COL6A3: variants seen among roughly 807,000 people sequenced by gnomAD.
COL6A3 encodes collagen alpha-3(VI) chain.
In COL6A3, 137 loss-of-function variants were observed where a neutral mutation model predicts 274.1. The ratio of observed to expected loss-of-function variants is 0.50; its 90% CI spans 0.44 to 0.58. The LOEUF is 0.58. COL6A3 is among the 20% of genes least tolerant of loss of function. The pLI, the probability that COL6A3 is intolerant of heterozygous loss-of-function variation, is 0.00. For synonymous variants in COL6A3, 1,650 were observed against 1,650.6 expected (o/e 1.00, Z 0.01); for missense variants, 3,950 against 4,124.9 (o/e 0.96, Z 1.16).
chr2:237,364,323 T>C lies in COL6A3; in HGVS notation c.5917+27A>G, dbSNP rs78387780. ...ACCCCGCCTCACCAGGGTTTACTTC[T>C]CATATTTAGAAAGCCTTGGCACCTA... On this transcript the variant is annotated intron_variant, in intron 13 of 43. Coordinates refer to ENST00000295550, the MANE Select transcript of COL6A3 (RefSeq NM_004369.4). This position sits in a 1 kb window ranked among gnomAD's most constrained non-coding sequence, Gnocchi z 4.6. The C allele has an allele frequency of 8.4e-4, 1,331 of 1,588,474 alleles. 10 individuals carry two copies. The African/African-American group carries it at 0.016, about 19-fold the overall frequency.
chr2:237,341,214 A>G, intron 37 of COL6A3, 64 bp from the exon 38 acceptor site: 6 of 1,453,940 alleles, frequency 4.1e-6, no homozygotes, highest in Non-Finnish European at 5.8e-6. Context: ...CAGCTCATCA[A>G]TCTGCTGGGA....
At chr2:237,398,350 CA>C (rs1433397870) in intron 1 of COL6A3, among the ~76,000 whole-genome samples, 1 of 152,230 alleles carries the variant, frequency 6.6e-6, no homozygotes, top group Non-Finnish European at 1.5e-5. Context: ...ACATTCACTT[CA>C]GCTCAGTAGC....
chr2:237,379,285 T>G, intron 5 of COL6A3, 50 bp from the exon 6 acceptor site: 1 of 1,611,824 alleles, frequency 6.2e-7, no homozygotes, highest in Non-Finnish European at 8.5e-7. Context: ...CCACGGAGAG[T>G]TTTATCATGT....
intron 13 of COL6A3, among the ~76,000 whole-genome samples, chr2:237,363,955 G>C (rs1172688768): frequency 1.3e-5 from 2 of 152,126 alleles, no homozygotes; most frequent in Non-Finnish European, 2.9e-5. Flanking sequence ...TGTATTATTT[G>C]GGTGTAGTGT....
At position 237,364,850 on chromosome 2, in the gene COL6A3, T is replaced by A. The variant is rs1056485922; in HGVS notation, c.5839-422A>T. On this transcript the variant is annotated intron_variant, in intron 12 of 43. Transcript: ENST00000295550. The surrounding 1 kb of genome is among the most constrained non-coding windows in gnomAD (Gnocchi z 4.6). Reference sequence around the variant, plus strand: ...ATGTGTGGGTGTGTGGGTGTACATGTGTGTGGGTGCGTATGTGTGTGCATG... The same window carrying A: ...ATGTGTGGGTGTGTGGGTGTACATGAGTGTGGGTGCGTATGTGTGTGCATG... Among the ~76,000 whole-genome samples the A allele has an allele frequency of 8.0e-5, 12 of 149,530 alleles. No individual in the cohort carries two copies. The highest frequency in any genetic ancestry group is 4.0e-4 in the Admixed American group (6 of 14,954).
chr2:237,368,897 A>T lies in COL6A3; in HGVS notation c.4566T>A (p.Phe1522Leu). 3 of 1,614,190 alleles carry T rather than the reference A, an allele frequency of 1.9e-6. No individual in the cohort carries two copies. The highest frequency in any genetic ancestry group is 2.2e-5 in the South Asian group (2 of 91,076). Residue 1522 changes from phenylalanine (F) to leucine (L), a missense_variant, in exon 10 of 44, where the codon TTT becomes TTA. Transcript: ENST00000295550. The surrounding 1 kb of genome is among the most constrained non-coding windows in gnomAD (Gnocchi z 4.4). Reference sequence around the variant, plus strand: ...ACTTAACAAAGAGGTTTCTTGCCACAAATTCGAGAGCCTTGCCAGTGTTCA... The same window carrying T: ...ACTTAACAAAGAGGTTTCTTGCCACTAATTCGAGAGCCTTGCCAGTGTTCA... ...SPLNTGKALE[F>L]VARNLFVKSA...
chr2:237,343,061 C>G (rs2077022277), intron 36 of COL6A3: 1 of 152,276 alleles, frequency 6.6e-6, no homozygotes. Context: ...AAGTGGCGTG[C>G]ACATTACTTT....
chr2:237,365,688 C>T lies in COL6A3; in HGVS notation c.5838+10G>A. 1.2e-6 allele frequency: 2 copies of T among 1,613,770 alleles called. No homozygotes were observed. Among genetic ancestry groups the T allele is most frequent in the South Asian group, 2.2e-5 (2 of 91,054 alleles). On this transcript the variant is annotated intron_variant, in intron 12 of 43. Transcript: ENST00000295550. ...CCCAGGGAGCACCTGAACCAACTGG[C>T]CCCACAGACCTTCACGCTGTCCGGC...
chr2:237,332,086 TA>T (rs1489544989), intron 42 of COL6A3, among the ~76,000 whole-genome samples: 1 of 27,328 alleles, frequency 3.7e-5, no homozygotes, highest in Non-Finnish European at 6.1e-5. Flanking sequence ...TATATATATA[TA>T]TATATATATA....
In COL6A3 at chr2:237,364,251, T is replaced by C. The variant is rs1041225757; in HGVS notation, c.5917+99A>G. On this transcript the variant is annotated intron_variant, in intron 13 of 43. Coordinates refer to ENST00000295550, the MANE Select transcript of COL6A3 (RefSeq NM_004369.4). The surrounding 1 kb of genome is among the most constrained non-coding windows in gnomAD (Gnocchi z 4.6). ...AGTCTCCCAAGACAACGCTGCTCCC[T>C]TGGGGCGCTGCATTAGCAGAGAGGT... is the stretch of plus-strand genomic sequence containing the variant. The C allele has an allele frequency of 2.1e-6, 2 of 945,590 alleles. No homozygotes were observed. Among genetic ancestry groups the C allele is most frequent in the Non-Finnish European group, 3.4e-6 (2 of 583,858 alleles). 58.6% of individuals were successfully genotyped at this position (945,590 alleles called of 1,614,324 possible).
At chr2:237,410,387 C>G (rs2078828202) in intron 1 of COL6A3, among the ~76,000 whole-genome samples, 1 of 151,332 alleles carries the variant, frequency 6.6e-6, no homozygotes, top group African/African-American at 2.4e-5. Context: ...CTCACTGCAG[C>G]CTCAACCTCC....
chr2:237,359,068 A>T lies in COL6A3; in HGVS notation c.6375T>A (p.Gly2125=). The T allele has an allele frequency of 6.2e-7, 1 of 1,614,202 alleles. No individual in the cohort carries two copies. Among genetic ancestry groups the T allele is most frequent in the South Asian group, 1.1e-5 (1 of 91,088 alleles). The stretch of plus-strand genomic sequence containing the variant: ...CAGGATTCCCTTTCTCTCCAGAAGA[A>T]CCAGGCAATCCTTTGTCTCCCTGCC... ...DGEDGDKGLP[G]SSGEKGNPGR... is the part of the protein sequence containing the mutation. Residue 2125 remains glycine, a synonymous_variant, in exon 20 of 44, where the codon GGT becomes GGA. Coordinates refer to ENST00000295550, the MANE Select transcript of COL6A3 (RefSeq NM_004369.4).
Position 237,374,909 on chromosome 2 carries a change from C to A in COL6A3, c.3182G>T (p.Gly1061Val), listed in dbSNP as rs1353824687. 6 of 1,613,914 alleles carry A rather than the reference C, an allele frequency of 3.7e-6. No homozygotes were observed. The highest frequency in any genetic ancestry group is 5.1e-6 in the Non-Finnish European group (6 of 1,179,984). ...CACGGCCACGCGGACCCGGTCCTGGCCCACATCCAGGCTTTCCACCACTCT... is the reference window on the plus strand; with the variant it reads ...CACGGCCACGCGGACCCGGTCCTGGACCACATCCAGGCTTTCCACCACTCT... ...VQRVVESLDV[G>V]QDRVRVAVVQ... Residue 1061 changes from glycine (G) to valine (V), a missense_variant, in exon 8 of 44, where the codon GGC becomes GTC. Physicochemically the swap from Gly to Val is moderately radical, Grantham distance 109. Around this residue, in one of 5 missense-constraint regions of COL6A3, gnomAD observed 1,934 missense variants for 1,984.3 expected, o/e 0.97. Coordinates refer to ENST00000295550, the MANE Select transcript of COL6A3 (RefSeq NM_004369.4). This position sits in a 1 kb window ranked among gnomAD's most constrained non-coding sequence, Gnocchi z 4.8.
At chr2:237,409,737 A>T (rs1333255898) in intron 1 of COL6A3, among the ~76,000 whole-genome samples, 1 of 152,222 alleles carries the variant, frequency 6.6e-6, no homozygotes, top group East Asian at 1.9e-4. Flanking sequence ...GTCCATTATT[A>T]GGGGAAAGTA....
At position 237,364,374 on chromosome 2, in the gene COL6A3, C is replaced by G. The variant is rs1364239110; in HGVS notation, c.5893G>C (p.Ala1965Pro). The stretch of plus-strand genomic sequence containing the variant: ...CCTTCTTGGCGGAGGTTCTCAGATG[C>G]TCTGTGTAAATCAGCCAGATCTCCG... Reference protein sequence around the residue: ...ADGDLADLHRASENLRQEGVR... With the variant: ...ADGDLADLHRPSENLRQEGVR... The change falls in exon 13 of 44, where the codon GCA (alanine) becomes CCA (proline). Residue 1965 changes from alanine (A) to proline (P), a missense_variant. Physicochemically the swap from Ala to Pro is conservative, Grantham distance 27. Coordinates refer to ENST00000295550, the MANE Select transcript of COL6A3 (RefSeq NM_004369.4). The surrounding 1 kb of genome is among the most constrained non-coding windows in gnomAD (Gnocchi z 4.6). 6.2e-7 allele frequency: 1 copy of G among 1,613,936 alleles called. No homozygotes were observed. Among genetic ancestry groups the G allele is most frequent in the African/African-American group, 1.3e-5 (1 of 74,924 alleles).
At position 237,387,496 on chromosome 2, in the gene COL6A3, A is replaced by T. The variant is rs928679441; in HGVS notation, c.1312+86T>A. The T allele has an allele frequency of 3.7e-6, 6 of 1,604,450 alleles. No homozygotes were observed. The South Asian group carries it at 6.7e-5, about 18-fold the overall frequency. On this transcript the variant is annotated intron_variant, in intron 4 of 43. Transcript: ENST00000295550. Reference sequence around the variant, plus strand: ...GTACTTACAGCTTCTCCCGTGGCGAATCATGCTGGTACCCACCTTACGTCT... The same window carrying T: ...GTACTTACAGCTTCTCCCGTGGCGATTCATGCTGGTACCCACCTTACGTCT...
At chr2:237,404,855 A>G (rs1041074733) in intron 1 of COL6A3, among the ~76,000 whole-genome samples, 2 of 152,178 alleles carry the variant, frequency 1.3e-5, no homozygotes, top group African/African-American at 4.8e-5. Flanking sequence ...CTAAGACATC[A>G]CTCACTTACT....
intron 13 of COL6A3, among the ~76,000 whole-genome samples, chr2:237,363,858 A>T (rs1484477922): frequency 1.3e-5 from 2 of 152,222 alleles, no homozygotes; most frequent in Non-Finnish European, 2.9e-5. Flanking sequence ...CCAAACGCCA[A>T]AGCAAGTGAA....
In COL6A3 at chr2:237,379,072, A is replaced by G; in HGVS notation, c.2061T>C (p.Pro687=). ...ATGTGTTTAAAGAGAACTCCGTTAC[A>G]GGAGTGTCACTAAATTGCACTAAAC... ...RVGLVQFSDT[P]VTEFSLNTYQ... The change falls in exon 6 of 44, where the codon CCT becomes CCC. Residue 687 remains proline (P), a synonymous_variant. Transcript: ENST00000295550. 6.2e-7 allele frequency: 1 copy of G among 1,614,216 alleles called. No homozygotes were observed. Among genetic ancestry groups the G allele is most frequent in the African/African-American group, 1.3e-5 (1 of 75,074 alleles).
Sources: allele counts gnomAD v4.1 joint callset (sites outside exome capture counted in the v4.1 genomes callset), GRCh38; gene constraint gnomAD v4.1.1; regional missense constraint gnomAD v4.1.1; non-coding constraint Gnocchi (gnomAD v3.1); transcripts MANE v1.5; gene names NCBI Gene and HGNC (gene_info 2026-07-23, HGNC 2026-07-21).